Variants in NRG1 observed in about 807,000 individuals in gnomAD.
NRG1 encodes neuregulin 1.
Under a neutral mutation model 63.8 loss-of-function variants are expected in NRG1, and 18 were observed. That is an observed-to-expected ratio of 0.28 (90% CI 0.19 to 0.42). NRG1 has a LOEUF of 0.42. NRG1 is among the 10% of genes least tolerant of loss of function. The probability of loss-of-function intolerance (pLI) is 1.00; values close to 1 mark genes in which losing one functional copy is unlikely to be tolerated. For missense variants in NRG1, 762 were observed against 814.7 expected, an observed-to-expected ratio of 0.94 and a Z score of 0.79; for synonymous variants, 302 against 301.3, an observed-to-expected ratio of 1.00 and a Z score of -0.02.
At chr8:31,783,863 A>G (rs1242907598) in intron 1 of NRG1, among the ~76,000 whole-genome samples, 1 of 152,192 alleles carries the variant, frequency 6.6e-6, no homozygotes, top group Non-Finnish European at 1.5e-5. Context: ...ATTACTCATA[A>G]TCATAATGGC....
chr8:32,356,365 A>G (rs531731277), intron 1 of NRG1, among the ~76,000 whole-genome samples: 1 of 152,170 alleles, frequency 6.6e-6, no homozygotes, highest in Non-Finnish European at 1.5e-5. Context: ...TAAACTTTAA[A>G]GAACTTTGAG....
At chr8:31,703,278 T>C (rs1272291070) in intron 1 of NRG1, among the ~76,000 whole-genome samples, 1 of 151,806 alleles carries the variant, frequency 6.6e-6, no homozygotes, top group Non-Finnish European at 1.5e-5. Flanking sequence ...ATTTACAACT[T>C]ATAGAAATTT....
At chr8:32,532,375 A>G (rs55758802) in intron 1 of NRG1, among the ~76,000 whole-genome samples, 39,988 of 152,074 alleles carry the variant, frequency 0.26, 5,651 homozygotes, top group South Asian at 0.35. Flanking sequence ...CTGTCCTTGC[A>G]GTTAAGGTGC....
intron 1 of NRG1, among the ~76,000 whole-genome samples, chr8:32,470,030 ATTTT>A (rs71208185): frequency 0.3 from 39,276 of 132,518 alleles, 5,568 homozygotes; most frequent in East Asian, 0.61. Flanking sequence ...CGCCCAGCTA[ATTTT>A]TTTTTTTTTT....
At chr8:32,083,118 G>A (rs1389849961) in intron 1 of NRG1, among the ~76,000 whole-genome samples, 3 of 152,084 alleles carry the variant, frequency 2.0e-5, no homozygotes, top group Admixed American at 1.3e-4. Flanking sequence ...TAAACCCAAC[G>A]TACTCACAAA....
chr8:32,117,322 G>A (rs922353321), intron 1 of NRG1, among the ~76,000 whole-genome samples: 4 of 152,144 alleles, frequency 2.6e-5, no homozygotes, highest in Admixed American at 6.6e-5. Context: ...TCAGCATGAC[G>A]TGTTAGCTAC....
intron 1 of NRG1, among the ~76,000 whole-genome samples, chr8:31,701,258 G>C (rs1281721950): frequency 6.6e-6 from 1 of 152,090 alleles, no homozygotes; most frequent in East Asian, 1.9e-4. Context: ...AGTCATCAAA[G>C]AAGCTGTCCT....
intron 1 of NRG1, among the ~76,000 whole-genome samples, chr8:32,443,162 A>G (rs764814383): frequency 1.3e-5 from 2 of 151,868 alleles, no homozygotes; most frequent in Non-Finnish European, 1.5e-5. Context: ...CAAACTCTCA[A>G]ACTTCCTGGT....
chr8:32,412,417 T>TA (rs1372791459), intron 1 of NRG1, among the ~76,000 whole-genome samples: 17 of 86,864 alleles, frequency 2.0e-4, no homozygotes, highest in Non-Finnish European at 3.6e-4. Flanking sequence ...TCTCTCTCTC[T>TA]CTCTACATAT....
chr8:31,804,073 T>C (rs1822047328), intron 1 of NRG1, among the ~76,000 whole-genome samples: 1 of 152,226 alleles, frequency 6.6e-6, no homozygotes, highest in South Asian at 2.1e-4. Flanking sequence ...TCTTTATCTA[T>C]TGTCTTTTCC....
intron 1 of NRG1, among the ~76,000 whole-genome samples, chr8:32,239,506 AAATGAATTTTAAAATGAATTTC>A (rs143860049): frequency 0.027 from 4,177 of 152,196 alleles, 118 homozygotes; most frequent in African/African-American, 0.069. Flanking sequence ...TTTTCATTTT[AAATGAATTTTAAAATGAATTTC>A]AATGAATTTT....
At chr8:32,116,110 A>G (rs1832677722) in intron 1 of NRG1, among the ~76,000 whole-genome samples, 1 of 152,118 alleles carries the variant, frequency 6.6e-6, no homozygotes, top group Non-Finnish European at 1.5e-5. Flanking sequence ...GTCAGTTTCT[A>G]CTTTTCCAGA....
chr8:32,501,721 A>T (rs1262298441), intron 1 of NRG1, among the ~76,000 whole-genome samples: 2 of 152,248 alleles, frequency 1.3e-5, no homozygotes, highest in Non-Finnish European at 2.9e-5. Context: ...ATCTTAAGAA[A>T]ACTTGGTTTT....
At chr8:32,597,564 A>AT (rs540154059) in intron 2 of NRG1, among the ~76,000 whole-genome samples, 117 of 151,918 alleles carry the variant, frequency 7.7e-4, no homozygotes, top group South Asian at 4.4e-3. Flanking sequence ...AATATTACTA[A>AT]TTTTTTTTAC....
At chr8:32,095,015 G>A (rs1829713125) in intron 1 of NRG1, among the ~76,000 whole-genome samples, 1 of 151,170 alleles carries the variant, frequency 6.6e-6, no homozygotes, top group Admixed American at 6.6e-5. Context: ...TGGTTCAAGC[G>A]ATTCTCCTGC....
At chr8:32,163,974 C>A (rs1305744913) in intron 1 of NRG1, among the ~76,000 whole-genome samples, 1 of 152,140 alleles carries the variant, frequency 6.6e-6, no homozygotes, top group Non-Finnish European at 1.5e-5. Context: ...GGCTTCAAAT[C>A]CTGATGATGT....
At chr8:31,656,246 A>G (rs1255092206) in intron 1 of NRG1, among the ~76,000 whole-genome samples, 1 of 152,192 alleles carries the variant, frequency 6.6e-6, no homozygotes, top group East Asian at 1.9e-4. Context: ...GGAAGACCCA[A>G]AAAGGATTCA....
rs141157226 is a variant in NRG1, at chr8:32,026,596, T to C, written c.37+387165T>C. ...AACAAATCTGAAATAAAATTAATGTTATTCTACCGTATAGGCGATTGGCTT... is the reference window on the plus strand; with the variant it reads ...AACAAATCTGAAATAAAATTAATGTCATTCTACCGTATAGGCGATTGGCTT... On this transcript the variant is annotated intron_variant, in intron 1 of 10. Coordinates refer to the NRG1 transcript ENST00000519301. Among the ~76,000 whole-genome samples, 1,182 of 152,302 alleles carry C rather than the reference T, an allele frequency of 7.8e-3. 6 individuals are homozygous for C. The highest frequency in any genetic ancestry group is 0.014 in the Middle Eastern group (4 of 294).
At chr8:31,862,831 C>T (rs1376443756) in intron 1 of NRG1, among the ~76,000 whole-genome samples, 1 of 152,146 alleles carries the variant, frequency 6.6e-6, no homozygotes, top group Non-Finnish European at 1.5e-5. Context: ...AAAAAGTCCA[C>T]TGAAAGTCAA....
Sources: gnomAD v4.1 joint callset for allele counts (sites outside exome capture counted in the v4.1 genomes callset) on GRCh38, gnomAD v4.1.1 for gene constraint, MANE v1.5 for transcripts, NCBI Gene and HGNC (gene_info 2026-07-23, HGNC 2026-07-21) for gene names.